The following DHRS3 variants were observed in gnomAD, a reference collection of about 807,000 sequenced individuals.
DHRS3 encodes short-chain dehydrogenase/reductase 3.
In DHRS3, 14 loss-of-function variants were observed where a neutral mutation model predicts 27.2. That is an observed-to-expected ratio of 0.52 (90% CI 0.34 to 0.81). The LOEUF (loss-of-function observed/expected upper bound fraction) is 0.81, where lower values mean the gene tolerates loss of function less well. DHRS3 is among the 30% of genes least tolerant of loss of function. DHRS3 has a pLI of 0.01. For synonymous variants in DHRS3, 165 were observed against 175.9 expected (o/e 0.94, Z 0.49); for missense variants, 322 against 406.2 (o/e 0.79, Z 1.78).
rs988417102 is a variant in DHRS3, at chr1:12,586,535, C to T, written c.196-5869G>A. On this transcript the variant is annotated intron_variant, in intron 1 of 5. Coordinates refer to ENST00000616661, the MANE Select transcript of DHRS3 (RefSeq NM_004753.7). The surrounding 1 kb of genome is among the most constrained non-coding windows in gnomAD (Gnocchi z 5.0). ...CAACAGAGAATGAAGCAGATGTAATCCTACTTCAAGGAACCCACATTCCAG... is the reference window on the plus strand; with the variant it reads ...CAACAGAGAATGAAGCAGATGTAATTCTACTTCAAGGAACCCACATTCCAG... 1.3e-5 allele frequency among the ~76,000 whole-genome samples: 2 copies of T among 152,180 alleles called. No individual in the cohort carries two copies. Among genetic ancestry groups the T allele is most frequent in the Non-Finnish European group, 2.9e-5 (2 of 68,038 alleles).
chr1:12,586,851 A>G lies in DHRS3; in HGVS notation c.196-6185T>C, dbSNP rs1473283495. On this transcript the variant is annotated intron_variant, in intron 1 of 5. Transcript: ENST00000616661. The surrounding 1 kb of genome is among the most constrained non-coding windows in gnomAD (Gnocchi z 5.0). ...AAGAGAAAGCACATCTCCTCTCTTC[A>G]AGGGGTCCTGTGGGGATTAAGCTGG... is the stretch of plus-strand genomic sequence containing the variant. Among the ~76,000 whole-genome samples the G allele has an allele frequency of 1.3e-5, 2 of 152,262 alleles. No individual in the cohort carries two copies. The highest frequency in any genetic ancestry group is 6.5e-5 in the Admixed American group (1 of 15,292).
At chr1:12,570,578 C>T (rs1219638293) in intron 5 of DHRS3, among the ~76,000 whole-genome samples, 2 of 152,158 alleles carry the variant, frequency 1.3e-5, no homozygotes, top group African/African-American at 2.4e-5. Flanking sequence ...GTGGCTCCTG[C>T]TTCCTGTTCA....
chr1:12,588,726 T>G (rs568585356), intron 1 of DHRS3, among the ~76,000 whole-genome samples: 46 of 152,354 alleles, frequency 3.0e-4, no homozygotes, highest in African/African-American at 1.1e-3. Flanking sequence ...CCAGAGGGGC[T>G]TGCACTAATG....
chr1:12,584,089 A>G (rs1243890589), intron 1 of DHRS3, among the ~76,000 whole-genome samples: 1 of 152,096 alleles, frequency 6.6e-6, no homozygotes, highest in Non-Finnish European at 1.5e-5. Flanking sequence ...GTGTAACAGG[A>G]CCATGGGGCT....
intron 1 of DHRS3, among the ~76,000 whole-genome samples, chr1:12,582,875 C>CCATCCATCCATCCA (rs1570367131): frequency 8.0e-5 from 11 of 137,668 alleles, no homozygotes; most frequent in Non-Finnish European, 1.7e-4. Flanking sequence ...CCATCCATCC[C>CCATCCATCCATCCA]TCCCTCCCTC....
At chr1:12,614,153 T>A (rs1434635167) in intron 1 of DHRS3, among the ~76,000 whole-genome samples, 3 of 152,148 alleles carry the variant, frequency 2.0e-5, no homozygotes. Context: ...CCCAAGACTT[T>A]CGTCCAGCCA....
At position 12,580,544 on chromosome 1, in the gene DHRS3, C is replaced by A; in HGVS notation, c.318G>T (p.Thr106=). ...AGACCTTCTCCCGGACGGCCTTGGC[C>A]GTCTGGTACACCTCCTCCCGGTTGC... ...DVGNREEVYQ[T]AKAVREKVGD... is the part of the protein sequence containing the mutation. The change falls in exon 2 of 6, where the codon ACG becomes ACT. Residue 106 remains threonine, a synonymous_variant. Transcript: ENST00000616661. 1 of 1,614,186 alleles carries A rather than the reference C, an allele frequency of 6.2e-7. No individual in the cohort carries two copies.
At chr1:12,609,597 A>G (rs1248749743) in intron 1 of DHRS3, among the ~76,000 whole-genome samples, 1 of 152,198 alleles carries the variant, frequency 6.6e-6, no homozygotes, top group African/African-American at 2.4e-5. Context: ...GAAGGTGGCG[A>G]AGCAAGTCTG....
intron 1 of DHRS3, among the ~76,000 whole-genome samples, chr1:12,595,552 G>T (rs1283663368): frequency 2.7e-5 from 4 of 150,168 alleles, no homozygotes; most frequent in African/African-American, 4.9e-5. Flanking sequence ...GGGCGAGGCT[G>T]GGGTCCTGGG....
Position 12,617,403 on chromosome 1 carries a change from G to A in DHRS3, c.-55C>T, listed in dbSNP as rs1383436434. ...GAAACTCCCCGGGCCGAGCAATACA[G>A]GAATTAAAAAACACCCCGAACAATA... On this transcript the variant is annotated 5_prime_UTR_variant, in exon 1 of 6. Coordinates refer to ENST00000616661, the MANE Select transcript of DHRS3 (RefSeq NM_004753.7). 1.3e-6 allele frequency: 2 copies of A among 1,537,456 alleles called. No individual in the cohort carries two copies. The highest frequency in any genetic ancestry group is 2.0e-5 in the Admixed American group (1 of 50,998).
At chr1:12,582,475 G>A (rs1020501187) in intron 1 of DHRS3, among the ~76,000 whole-genome samples, 1 of 152,184 alleles carries the variant, frequency 6.6e-6, no homozygotes, top group African/African-American at 2.4e-5. Flanking sequence ...TCTCAATGAC[G>A]GTACAAGTCC....
chr1:12,573,310 G>A (rs1003445703), intron 4 of DHRS3, among the ~76,000 whole-genome samples: 9 of 152,186 alleles, frequency 5.9e-5, no homozygotes, highest in Admixed American at 3.9e-4. Flanking sequence ...CCTCCTTTGG[G>A]AGACATTTCA....
chr1:12,583,992 G>C (rs1192794382), intron 1 of DHRS3, among the ~76,000 whole-genome samples: 2 of 121,302 alleles, frequency 1.6e-5, no homozygotes, highest in Non-Finnish European at 3.1e-5. Context: ...TGGTTTCTGA[G>C]TATGTCAGCC....
intron 1 of DHRS3, among the ~76,000 whole-genome samples, chr1:12,612,167 A>T (rs1476891732): frequency 1.3e-5 from 2 of 152,274 alleles, no homozygotes; most frequent in East Asian, 3.9e-4. Context: ...TAGGACAGGT[A>T]GCCTACCTGC....
At chr1:12,611,405 C>T (rs965750066) in intron 1 of DHRS3, among the ~76,000 whole-genome samples, 13 of 152,272 alleles carry the variant, frequency 8.5e-5, no homozygotes, top group South Asian at 2.1e-4. Flanking sequence ...CCTTTAGAAG[C>T]GACAGTTTGG....
intron 5 of DHRS3, among the ~76,000 whole-genome samples, chr1:12,570,736 G>A (rs987748704): frequency 6.6e-6 from 1 of 152,228 alleles, no homozygotes; most frequent in Admixed American, 6.5e-5. Context: ...TGACCTCAGT[G>A]AGGACCTGAG....
In DHRS3 at chr1:12,591,531, C is replaced by T. The variant is rs771302614; in HGVS notation, c.196-10865G>A. On this transcript the variant is annotated intron_variant, in intron 1 of 5. Coordinates refer to ENST00000616661, the MANE Select transcript of DHRS3 (RefSeq NM_004753.7). The surrounding 1 kb of genome is among the most constrained non-coding windows in gnomAD (Gnocchi z 4.1). ...AGGGCAGAGACTTCCTCCAGGCGGACGTCCAGCCTGGAACTGGCCCGCTTG... is the reference window on the plus strand; with the variant it reads ...AGGGCAGAGACTTCCTCCAGGCGGATGTCCAGCCTGGAACTGGCCCGCTTG... Among the ~76,000 whole-genome samples the T allele has an allele frequency of 5.3e-5, 8 of 152,252 alleles. No individual in the cohort carries two copies. Among genetic ancestry groups the T allele is most frequent in the Non-Finnish European group, 7.3e-5 (5 of 68,042 alleles).
In DHRS3 at chr1:12,578,726, C is replaced by T. The variant is rs1646614119; in HGVS notation, c.690G>A (p.Met230Ile). 1.9e-6 allele frequency: 3 copies of T among 1,612,988 alleles called. No homozygotes were observed. Among genetic ancestry groups the T allele is most frequent in the South Asian group, 2.2e-5 (2 of 91,050 alleles). The change falls in exon 4 of 6, where the codon ATG (methionine) becomes ATA (isoleucine). Residue 230 changes from methionine to isoleucine, a missense_variant. Physicochemically the swap from Met to Ile is conservative, Grantham distance 10. Transcript: ENST00000616661. The surrounding 1 kb of genome is among the most constrained non-coding windows in gnomAD (Gnocchi z 4.5). ...GTCCCCTGCTCACTGACCTGACTCT[C>T]ATGCCCTGGAACATCTCGGTGCTGG... The part of the protein sequence containing the change: ...FHTSTEMFQG[M>I]RVRFPNLFPP...
chr1:12,587,392 C>G (rs1337889947), intron 1 of DHRS3, among the ~76,000 whole-genome samples: 1 of 152,106 alleles, frequency 6.6e-6, no homozygotes, highest in African/African-American at 2.4e-5. Context: ...GATTCTCCCA[C>G]CTCAGCCTCC....
Sources: allele counts gnomAD v4.1 joint callset (sites outside exome capture counted in the v4.1 genomes callset), GRCh38; gene constraint gnomAD v4.1.1; non-coding constraint Gnocchi (gnomAD v3.1); transcripts MANE v1.5; gene names NCBI Gene and HGNC (gene_info 2026-07-23, HGNC 2026-07-21).